The following JAZF1 variants were observed in gnomAD, a reference collection of about 807,000 sequenced individuals.
The protein encoded by JAZF1 is juxtaposed with another zinc finger protein 1.
JAZF1 carries 8 observed loss-of-function variants against 26.4 expected under a neutral mutation model. The ratio of observed to expected loss-of-function variants is 0.30; its 90% CI spans 0.18 to 0.55. JAZF1 has a LOEUF of 0.55. Ranked by LOEUF, JAZF1 falls within the 20% of genes least tolerant of loss-of-function variation. The probability of loss-of-function intolerance (pLI) is 0.94; values close to 1 mark genes in which losing one functional copy is unlikely to be tolerated. For synonymous variants in JAZF1, 126 were observed against 122.3 expected, an observed-to-expected ratio of 1.03 and a Z score of -0.20; for missense variants, 199 against 322.0, an observed-to-expected ratio of 0.62 and a Z score of 2.92.
intron 1 of JAZF1, among the ~76,000 whole-genome samples, chr7:28,100,614 C>T (rs1327037135): frequency 2.6e-5 from 4 of 152,146 alleles, no homozygotes; most frequent in African/African-American, 4.8e-5. Flanking sequence ...TAGTGTCCTA[C>T]AAAATGGCTC....
chr7:27,833,214 A>AT, intron 4 of JAZF1: 1 of 301,142 alleles, frequency 3.3e-6, no homozygotes, highest in South Asian at 1.4e-4. Context: ...TACTCTGAAA[A>AT]TGAAAGTACT....
chr7:27,869,090 A>T (rs1401044090), intron 3 of JAZF1, among the ~76,000 whole-genome samples: 1 of 152,234 alleles, frequency 6.6e-6, no homozygotes, highest in Non-Finnish European at 1.5e-5. Context: ...GCATGTTCAT[A>T]AAATGTCTTG....
At chr7:27,835,516 T>C (rs1327748501) in intron 4 of JAZF1, among the ~76,000 whole-genome samples, 7 of 152,150 alleles carry the variant, frequency 4.6e-5, no homozygotes, top group African/African-American at 1.4e-4. Flanking sequence ...TTTATGACTC[T>C]GGAAAAATCA....
chr7:27,922,082 A>T (rs954036309), intron 2 of JAZF1, among the ~76,000 whole-genome samples: 11 of 152,272 alleles, frequency 7.2e-5, no homozygotes, highest in African/African-American at 2.6e-4. Flanking sequence ...GGCATTTTAT[A>T]TTGTGTTTTA....
chr7:27,971,016 C>T (rs984361670), intron 2 of JAZF1, among the ~76,000 whole-genome samples: 2 of 152,132 alleles, frequency 1.3e-5, no homozygotes, highest in African/African-American at 4.8e-5. Flanking sequence ...AGAAGCACAC[C>T]GCCTAGTGCC....
chr7:28,161,884 T>G (rs1467889714), intron 1 of JAZF1, among the ~76,000 whole-genome samples: 1 of 152,184 alleles, frequency 6.6e-6, no homozygotes, highest in Non-Finnish European at 1.5e-5. Flanking sequence ...TTACTCTCCT[T>G]AAGGCTCAGT....
At chr7:28,180,317 C>T in intron 1 of JAZF1, 146 bp downstream of exon 1, 1 of 309,154 alleles carries the variant, frequency 3.2e-6, no homozygotes, top group Non-Finnish European at 5.8e-6. Flanking sequence ...CCCCCGCATC[C>T]CGCCACCCCC....
At chr7:28,102,993 C>T (rs556487056) in intron 1 of JAZF1, among the ~76,000 whole-genome samples, 3 of 152,138 alleles carry the variant, frequency 2.0e-5, no homozygotes, top group Non-Finnish European at 2.9e-5. Context: ...CCACAGCCCT[C>T]GGTGAGTCAC....
chr7:27,998,071 A>AGGCAGGCAGGCAGGCAGGCAGGC (rs1554280811), intron 1 of JAZF1, among the ~76,000 whole-genome samples: 1 of 111,544 alleles, frequency 9.0e-6, no homozygotes, highest in African/African-American at 4.1e-5. Flanking sequence ...GGAAGGAAGG[A>AGGCAGGCAGGCAGGCAGGCAGGC]AGGCAGGCAG....
intron 1 of JAZF1, among the ~76,000 whole-genome samples, chr7:28,178,138 G>A (rs1229706946): frequency 6.6e-6 from 1 of 152,060 alleles, no homozygotes; most frequent in East Asian, 1.9e-4. Flanking sequence ...CTATTAAAAG[G>A]ACAACACTAG....
intron 1 of JAZF1, among the ~76,000 whole-genome samples, chr7:28,150,384 T>C (rs1439898149): frequency 6.6e-6 from 1 of 152,214 alleles, no homozygotes; most frequent in South Asian, 2.1e-4. Flanking sequence ...GTAATGCCCA[T>C]GGAAGAGTCC....
rs1159635061 is a variant in JAZF1, at chr7:27,929,663, T to A, written c.189-34247A>T. Reference sequence around the variant, plus strand: ...TTAACCTCTTGGGTGAAATTTCTCATGGGTAAAATGAGGTTTATCCCATCT... The same window carrying A: ...TTAACCTCTTGGGTGAAATTTCTCAAGGGTAAAATGAGGTTTATCCCATCT... On this transcript the variant is annotated intron_variant, in intron 2 of 4. Transcript: ENST00000283928. 9.2e-5 allele frequency among the ~76,000 whole-genome samples: 14 copies of A among 152,294 alleles called. No individual in the cohort carries two copies. The South Asian group carries it at 2.9e-3, about 32-fold the overall frequency.
intron 1 of JAZF1, among the ~76,000 whole-genome samples, chr7:28,170,357 G>A (rs1189828972): frequency 1.1e-4 from 4 of 35,916 alleles, no homozygotes; most frequent in Non-Finnish European, 3.0e-4. Context: ...GTGTGTGTGT[G>A]TGTGTGTGTG....
intron 1 of JAZF1, among the ~76,000 whole-genome samples, chr7:28,019,570 G>T (rs1043029229): frequency 1.3e-5 from 2 of 151,968 alleles, no homozygotes; most frequent in African/African-American, 4.8e-5. Context: ...TCATGGAAAT[G>T]TTACCATCCT....
At chr7:27,878,580 T>C (rs10452749) in intron 3 of JAZF1, among the ~76,000 whole-genome samples, 27,772 of 152,308 alleles carry the variant, frequency 0.18, 3,141 homozygotes, top group East Asian at 0.48. Flanking sequence ...AAATTCCATA[T>C]ATGTAAAGAT....
chr7:27,896,147 C>T (rs1212682292), intron 2 of JAZF1, among the ~76,000 whole-genome samples: 1 of 152,226 alleles, frequency 6.6e-6, no homozygotes, highest in East Asian at 1.9e-4. Context: ...AATTTTATTA[C>T]TCATAAAGAG....
chr7:28,071,797 G>T, intron 1 of JAZF1: 1 of 365,406 alleles, frequency 2.7e-6, no homozygotes. Context: ...AGCTGCTTTC[G>T]ATTTGCATTA....
Position 27,922,674 on chromosome 7 carries a change from G to T in JAZF1, c.189-27258C>A, listed in dbSNP as rs868445848. On this transcript the variant is annotated intron_variant, in intron 2 of 4. Transcript: ENST00000283928. ...AAGTACTAACAGCTTTTAATAATGG[G>T]TTTTTTTTTGCATAATAGTCAAGAG... 5.6e-4 allele frequency among the ~76,000 whole-genome samples: 84 copies of T among 151,038 alleles called. 1 individual carries two copies. In the South Asian group the frequency reaches 7.6e-3, roughly 14 times the overall value.
At chr7:28,008,055 T>A (rs1782734681) in intron 1 of JAZF1, among the ~76,000 whole-genome samples, 1 of 152,194 alleles carries the variant, frequency 6.6e-6, no homozygotes, top group Non-Finnish European at 1.5e-5. Context: ...TTTGGGTGAC[T>A]GATCTTAAAA....
Sources: allele counts gnomAD v4.1 joint callset (sites outside exome capture counted in the v4.1 genomes callset), GRCh38; gene constraint gnomAD v4.1.1; transcripts MANE v1.5; gene names NCBI Gene and HGNC (gene_info 2026-07-23, HGNC 2026-07-21).